DNAH9: variants seen among roughly 807,000 people sequenced by gnomAD.
DNAH9 encodes the protein DNAH9 variant protein.
Under a neutral mutation model 471.6 loss-of-function variants are expected in DNAH9, and 345 were observed. That is an observed-to-expected ratio of 0.73 (90% CI 0.67 to 0.80). The LOEUF (loss-of-function observed/expected upper bound fraction) is 0.80, where lower values mean the gene tolerates loss of function less well. Among genes scored for constraint, DNAH9 ranks in the 30% least tolerant of loss-of-function variants. DNAH9 has a pLI of 0.00. For missense variants in DNAH9, 5,407 were observed against 5,609.2 expected, an observed-to-expected ratio of 0.96 and a Z score of 1.15; for synonymous variants, 2,093 against 2,123.6, an observed-to-expected ratio of 0.99 and a Z score of 0.40.
chr17:11,798,879 A>G (rs988914519), intron 43 of DNAH9, among the ~76,000 whole-genome samples: 4 of 151,944 alleles, frequency 2.6e-5, no homozygotes, highest in African/African-American at 7.3e-5. Context: ...CCCCACCCCA[A>G]TGGCACATTT....
chr17:11,799,966 T>C (rs1226543935), intron 43 of DNAH9, among the ~76,000 whole-genome samples: 2 of 152,214 alleles, frequency 1.3e-5, no homozygotes, highest in Non-Finnish European at 2.9e-5. Context: ...TGATTGTTTT[T>C]GCTCCAGATC....
chr17:11,820,037 A>G (rs1328037597), intron 45 of DNAH9, among the ~76,000 whole-genome samples: 1 of 152,108 alleles, frequency 6.6e-6, no homozygotes. Context: ...GAAAGAGAAT[A>G]TTTTAGTATT....
chr17:11,747,873 G>C, intron 32 of DNAH9, 107 bp downstream of exon 32: 1 of 1,031,872 alleles, frequency 9.7e-7, no homozygotes, highest in Non-Finnish European at 1.5e-6. Flanking sequence ...GGACTGATCT[G>C]TTTGGAACCG....
chr17:11,806,555 G>A (rs1254272888), intron 43 of DNAH9, among the ~76,000 whole-genome samples: 1 of 151,336 alleles, frequency 6.6e-6, no homozygotes, highest in Non-Finnish European at 1.5e-5. Flanking sequence ...ACAGTATATT[G>A]CTAAATGAAA....
At chr17:11,641,270 G>T (rs2150686181) in intron 10 of DNAH9, among the ~76,000 whole-genome samples, 1 of 152,054 alleles carries the variant, frequency 6.6e-6, no homozygotes, top group African/African-American at 2.4e-5. Context: ...GCATTGCCAA[G>T]CAGAAAAGCA....
intron 43 of DNAH9, among the ~76,000 whole-genome samples, chr17:11,806,663 T>C (rs933443142): frequency 2.8e-4 from 15 of 54,524 alleles, no homozygotes; most frequent in Non-Finnish European, 3.8e-4. Flanking sequence ...GTACAAACAA[T>C]GTATGTACAT....
At chr17:11,828,703 A>G (rs1025028814) in intron 48 of DNAH9, among the ~76,000 whole-genome samples, 2 of 152,062 alleles carry the variant, frequency 1.3e-5, no homozygotes, top group East Asian at 3.9e-4. Flanking sequence ...CGACTGGTTC[A>G]CATCTCTGTA....
rs748306293 is a variant in DNAH9, at chr17:11,886,859, A to G, written c.11006A>G (p.Asn3669Ser). Residue 3669 changes from asparagine to serine, a missense_variant, in exon 57 of 69, where the codon AAC becomes AGC. By Grantham distance (46) the Asn-to-Ser change is conservative. Around this residue, in one of 3 missense-constraint regions of DNAH9, gnomAD observed 4,636 missense variants for 4,900.3 expected, o/e 0.95. Transcript: ENST00000262442. The stretch of plus-strand genomic sequence containing the variant: ...GCCAAGGTGACTGAAGTGAAAATCA[A>G]CGAGGCCCGAGAGCACTACCGGCCA... Reference protein sequence around the residue: ...QEAKVTEVKINEAREHYRPAA... With the variant: ...QEAKVTEVKISEAREHYRPAA... 18 of 1,612,220 alleles carry G rather than the reference A, an allele frequency of 1.1e-5. No individual in the cohort carries two copies. Among genetic ancestry groups the G allele is most frequent in the African/African-American group, 9.3e-5 (7 of 74,892 alleles).
In DNAH9 at chr17:11,793,491, T is replaced by C. The variant is rs1567806202; in HGVS notation, c.8062-12T>C. ...TATTAACGTTATTTTTTTGTGTCTG[T>C]TCCCCTTGAAGGGCATTCTCTTCTC... is the stretch of plus-strand genomic sequence containing the variant. On this transcript the variant is annotated splice_polypyrimidine_tract_variant and intron_variant, in intron 41 of 68. Transcript: ENST00000262442. 6 of 1,601,064 alleles carry C rather than the reference T, an allele frequency of 3.7e-6. No homozygotes were observed. Among genetic ancestry groups the C allele is most frequent in the Non-Finnish European group, 5.1e-6 (6 of 1,176,522 alleles).
At chr17:11,942,193 G>A in intron 66 of DNAH9, 110 bp from the exon 67 acceptor site, 1 of 1,427,684 alleles carries the variant, frequency 7.0e-7, no homozygotes, top group African/African-American at 1.4e-5. Context: ...GTGGGTGGAG[G>A]GGCAGCAGAC....
chr17:11,869,182 A>G lies in DNAH9; in HGVS notation c.9982A>G (p.Thr3328Ala). ...AKLTARFEKA[T>A]ADKLKCQQEA... ...GCTCACAGCCAGGTTTGAGAAAGCA[A>G]CAGCAGACAAACTCAAATGTCAGCA... The change falls in exon 51 of 69, where the codon ACA becomes GCA. Residue 3328 changes from threonine to alanine, a missense_variant. Thr to Ala is a moderately conservative substitution (Grantham distance 58). Coordinates refer to ENST00000262442, the MANE Select transcript of DNAH9 (RefSeq NM_001372.4). 1.2e-6 allele frequency: 2 copies of G among 1,613,846 alleles called. No individual in the cohort carries two copies. The highest frequency in any genetic ancestry group is 2.2e-5 in the East Asian group (1 of 44,870).
At chr17:11,803,825 C>A (rs145296330) in intron 43 of DNAH9, among the ~76,000 whole-genome samples, 2 of 152,360 alleles carry the variant, frequency 1.3e-5, no homozygotes, top group Non-Finnish European at 2.9e-5. Flanking sequence ...GACTCCTCCT[C>A]CATGCCTGCC....
chr17:11,740,353 T>G, intron 29 of DNAH9, among the ~76,000 whole-genome samples: 1 of 152,190 alleles, frequency 6.6e-6, no homozygotes, highest in South Asian at 2.1e-4. Context: ...AGACATTTAT[T>G]TCTCACAGTT....
intron 26 of DNAH9, among the ~76,000 whole-genome samples, chr17:11,711,336 A>G (rs1057508796): frequency 6.6e-5 from 10 of 152,188 alleles, no homozygotes; most frequent in African/African-American, 2.4e-4. Flanking sequence ...CACAGGAATG[A>G]CAGTGGGGAG....
intron 45 of DNAH9, among the ~76,000 whole-genome samples, chr17:11,817,241 T>C (rs1014310759): frequency 1.3e-5 from 2 of 152,140 alleles, no homozygotes; most frequent in African/African-American, 4.8e-5. Context: ...GAAGGAATTA[T>C]AGGAACAAAT....
chr17:11,600,739 C>T (rs1430133016), intron 1 of DNAH9, among the ~76,000 whole-genome samples: 2 of 152,176 alleles, frequency 1.3e-5, no homozygotes, highest in Admixed American at 6.5e-5. Flanking sequence ...GCCTTGGCCT[C>T]CCAAAGTGCT....
intron 41 of DNAH9, among the ~76,000 whole-genome samples, chr17:11,788,871 G>T (rs776807006): frequency 7.2e-5 from 11 of 151,960 alleles, no homozygotes; most frequent in East Asian, 1.9e-4. Context: ...TTCTCTACTG[G>T]TTTTTCTGGG....
chr17:11,926,035 G>GAAAAAAAAAA (rs71142253), intron 62 of DNAH9, among the ~76,000 whole-genome samples: 4 of 59,916 alleles, frequency 6.7e-5, no homozygotes, highest in Admixed American at 2.6e-4. Flanking sequence ...GAGATTCTCT[G>GAAAAAAAAAA]AAAAAAAAAA....
At position 11,689,824 on chromosome 17, in the gene DNAH9, G is replaced by A; in HGVS notation, c.4002G>A (p.Leu1334=). Residue 1334 remains leucine (L), a synonymous_variant, in exon 20 of 69, where the codon TTG becomes TTA. Coordinates refer to ENST00000262442, the MANE Select transcript of DNAH9 (RefSeq NM_001372.4). ...WRNINVEAME[L]ECKQFARHIR... ...ATATCAACGTGGAAGCCATGGAGTT[G>A]GAGTGCAAACAGTTTGCCCGGCATA... The A allele has an allele frequency of 1.2e-6, 2 of 1,613,852 alleles. No homozygotes were observed. Among genetic ancestry groups the A allele is most frequent in the Non-Finnish European group, 8.5e-7 (1 of 1,179,852 alleles).
Sources: gnomAD v4.1 joint callset for allele counts (sites outside exome capture counted in the v4.1 genomes callset) on GRCh38, gnomAD v4.1.1 for gene constraint, gnomAD v4.1.1 regional missense constraint, MANE v1.5 for transcripts, NCBI Gene and HGNC (gene_info 2026-07-23, HGNC 2026-07-21) for gene names.